SCN10A: variants seen among roughly 807,000 people sequenced by gnomAD.
SCN10A encodes the protein sodium channel protein type 10 subunit alpha.
SCN10A carries 162 observed loss-of-function variants against 170.7 expected under a neutral mutation model. That is an observed-to-expected ratio of 0.95 (90% CI 0.84 to 1.08). The LOEUF (loss-of-function observed/expected upper bound fraction) is 1.08. SCN10A is among the 50% of genes least tolerant of loss of function. SCN10A has a pLI of 0.00. For missense variants in SCN10A, 2,527 were observed against 2,436.9 expected (o/e 1.04, Z -0.78); for synonymous variants, 985 against 904.6 (o/e 1.09, Z -1.59).
chr3:38,734,211 G>T (rs1397000923), intron 15 of SCN10A, among the ~76,000 whole-genome samples: 1 of 151,520 alleles, frequency 6.6e-6, no homozygotes, highest in South Asian at 2.1e-4. Context: ...TAGTAGAGAT[G>T]GGGTTTTCTC....
chr3:38,777,185 A>T (rs1433055932), intron 4 of SCN10A, among the ~76,000 whole-genome samples: 2 of 152,058 alleles, frequency 1.3e-5, no homozygotes, highest in African/African-American at 4.8e-5. Context: ...CAGGAAAAAT[A>T]AAAAAGTGGT....
chr3:38,793,487 T>A (rs2064310791), intron 2 of SCN10A, among the ~76,000 whole-genome samples: 1 of 152,202 alleles, frequency 6.6e-6, no homozygotes, highest in Non-Finnish European at 1.5e-5. Flanking sequence ...AACAGCCAAC[T>A]TTCCCTGAAA....
rs373347787 is a variant in SCN10A at position 38,698,440 on chromosome 3, G to A, written c.4780C>T (p.Arg1594Cys). 35 of 1,614,062 alleles carry A rather than the reference G, an allele frequency of 2.2e-5. No individual in the cohort carries two copies. The highest frequency in any genetic ancestry group is 6.7e-5 in the East Asian group (3 of 44,900). ...LRLIRAAKGI[R>C]TLLFALMMSL... ...ATCATGAGGGCAAAGAGCAGTGTGCGGATCCCCTTGGCCGCTCGGATCAGT... is the reference window on the plus strand; with the variant it reads ...ATCATGAGGGCAAAGAGCAGTGTGCAGATCCCCTTGGCCGCTCGGATCAGT... The change falls in exon 28 of 28, where the codon CGC (arginine) becomes TGC (cysteine). Residue 1594 changes from arginine (R) to cysteine (C), a missense_variant. Coordinates refer to ENST00000449082, the MANE Select transcript of SCN10A (RefSeq NM_006514.4).
At chr3:38,759,055 G>C (rs761315687) in intron 8 of SCN10A, among the ~76,000 whole-genome samples, 2 of 152,166 alleles carry the variant, frequency 1.3e-5, no homozygotes, top group Admixed American at 6.5e-5. Flanking sequence ...ACCTGATGTT[G>C]ACCAAATGCT....
rs946958380 is a variant in SCN10A, at chr3:38,763,673, T to C, written c.600-77A>G. The C allele has an allele frequency of 6.7e-6, 7 of 1,042,210 alleles. No individual in the cohort carries two copies. In the African/African-American group the frequency reaches 9.4e-5, roughly 14 times the overall value. The allele number at this position is 1,042,210 out of a possible 1,614,324, so 64.6% of individuals were successfully genotyped here. A position where few individuals can be genotyped will look rare whatever the true frequency, so the allele number is the denominator to read the frequency against. Reference sequence around the variant, plus strand: ...GCATGCAGCATAAATAAGGATAACCTGGGGTATCATTAGCCTAGAAAGGAT... The same window carrying C: ...GCATGCAGCATAAATAAGGATAACCCGGGGTATCATTAGCCTAGAAAGGAT... On this transcript the variant is annotated intron_variant, in intron 5 of 27. Transcript: ENST00000449082.
chr3:38,744,696 G>A (rs989830142), intron 13 of SCN10A, among the ~76,000 whole-genome samples: 1 of 151,862 alleles, frequency 6.6e-6, no homozygotes, highest in Non-Finnish European at 1.5e-5. Context: ...TTTATTTTGG[G>A]TAAAGAGTAA....
chr3:38,718,560 AG>A, intron 21 of SCN10A, 92 bp downstream of exon 21: 1 of 1,346,886 alleles, frequency 7.4e-7, no homozygotes, highest in South Asian at 1.3e-5. Context: ...GTAGCCCTTG[AG>A]GGCCAGGTCT....
chr3:38,787,976 T>C (rs2064228760), intron 4 of SCN10A, among the ~76,000 whole-genome samples: 1 of 152,038 alleles, frequency 6.6e-6, no homozygotes, highest in Non-Finnish European at 1.5e-5. Flanking sequence ...TTCATCCATG[T>C]CCCTGCAAAG....
intron 21 of SCN10A, among the ~76,000 whole-genome samples, chr3:38,716,492 G>A (rs1286246351): frequency 2.0e-5 from 3 of 152,138 alleles, no homozygotes; most frequent in Non-Finnish European, 2.9e-5. Flanking sequence ...CTTTTGCCAT[G>A]ATTGTAAGGC....
chr3:38,753,079 C>T (rs149825659), intron 11 of SCN10A, among the ~76,000 whole-genome samples: 1 of 152,258 alleles, frequency 6.6e-6, no homozygotes, highest in East Asian at 1.9e-4. Context: ...TTCTAGGATC[C>T]CTCGAGGCTT....
chr3:38,784,976 TAA>T (rs1279794422), intron 4 of SCN10A, among the ~76,000 whole-genome samples: 2 of 151,946 alleles, frequency 1.3e-5, no homozygotes, highest in East Asian at 1.9e-4. Context: ...CTCAAGGAAA[TAA>T]GAGAGGACAC....
chr3:38,777,732 A>G (rs1559460102), intron 4 of SCN10A, among the ~76,000 whole-genome samples: 1 of 152,078 alleles, frequency 6.6e-6, no homozygotes, highest in Non-Finnish European at 1.5e-5. Flanking sequence ...TTGACTCAGG[A>G]TGTGACAATG....
intron 20 of SCN10A, among the ~76,000 whole-genome samples, chr3:38,719,255 A>G (rs1052843530): frequency 2.0e-5 from 3 of 152,170 alleles, no homozygotes; most frequent in African/African-American, 7.2e-5. Context: ...TCTCACTGGT[A>G]ATCAAGGAAA....
intron 4 of SCN10A, among the ~76,000 whole-genome samples, chr3:38,783,499 T>C (rs530585904): frequency 3.3e-5 from 5 of 152,118 alleles, no homozygotes; most frequent in Non-Finnish European, 7.4e-5. Context: ...CAATATTACT[T>C]TCTTAAGACT....
chr3:38,752,496 G>T lies in SCN10A; in HGVS notation c.1478C>A (p.Ala493Asp). The change falls in exon 12 of 28, where the codon GCC becomes GAC. Residue 493 changes from alanine (A) to aspartate (D), a missense_variant. Coordinates refer to ENST00000449082, the MANE Select transcript of SCN10A (RefSeq NM_006514.4). The part of the protein sequence containing the change: ...NQRRMSFLGL[A>D]SGKRRASHGS... ...ATGACTAGCCCGGCGTTTTCCAGAG[G>T]CGAGGCCTAGAAAAGACTGGGCATT... The T allele has an allele frequency of 6.3e-7, 1 of 1,592,070 alleles. No individual in the cohort carries two copies. Among genetic ancestry groups the T allele is most frequent in the Non-Finnish European group, 8.6e-7 (1 of 1,168,218 alleles).
At chr3:38,763,655 G>C in intron 5 of SCN10A, 59 bp from the exon 6 acceptor site, 1 of 1,251,522 alleles carries the variant, frequency 8.0e-7, no homozygotes, top group Non-Finnish European at 1.2e-6. Flanking sequence ...GATGCATGCA[G>C]CATAAATAAG....
chr3:38,722,246 G>T lies in SCN10A; in HGVS notation c.3507+12C>A. The stretch of plus-strand genomic sequence containing the variant: ...TGGAGGATTTGGGGGCAGGGACTAT[G>T]CCTCCCCTTACCAGAGATCCACTGC... On this transcript the variant is annotated intron_variant, in intron 20 of 27. Coordinates refer to ENST00000449082, the MANE Select transcript of SCN10A (RefSeq NM_006514.4). The T allele has an allele frequency of 6.2e-7, 1 of 1,611,640 alleles. No homozygotes were observed.
rs756607238 is a variant in SCN10A, at chr3:38,739,487, C to T, written c.2280+28G>A. 6.2e-6 allele frequency: 10 copies of T among 1,603,732 alleles called. No individual in the cohort carries two copies. In the African/African-American group the frequency reaches 1.3e-4, roughly 21 times the overall value. On this transcript the variant is annotated intron_variant, in intron 15 of 27. Transcript: ENST00000449082. Reference sequence around the variant, plus strand: ...CTTCCCTGAATCTGGGTGGGAGTTTCCCCAAGCCATCAAGAGAAAAACATT... The same window carrying T: ...CTTCCCTGAATCTGGGTGGGAGTTTTCCCAAGCCATCAAGAGAAAAACATT...
At chr3:38,753,281 G>GGTA (rs1215241318) in intron 11 of SCN10A, among the ~76,000 whole-genome samples, 3 of 152,200 alleles carry the variant, frequency 2.0e-5, no homozygotes, top group Non-Finnish European at 4.4e-5. Flanking sequence ...TGCTGGGTTA[G>GGTA]GTAGTTCCCA....
Sources: gnomAD v4.1 joint callset for allele counts (sites outside exome capture counted in the v4.1 genomes callset) on GRCh38, gnomAD v4.1.1 for gene constraint, MANE v1.5 for transcripts, NCBI Gene and HGNC (gene_info 2026-07-23, HGNC 2026-07-21) for gene names.